The following OLA1 variants were observed in gnomAD, a reference collection of about 807,000 sequenced individuals.
OLA1 encodes Obg like ATPase 1.
In OLA1, 14 loss-of-function variants were observed where a neutral mutation model predicts 48.4. The ratio of observed to expected loss-of-function variants is 0.29; its 90% confidence interval spans 0.19 to 0.45. OLA1 has a LOEUF of 0.45. Ranked by LOEUF, OLA1 falls within the 20% of genes least tolerant of loss-of-function variation. OLA1 has a pLI of 1.00. For missense variants in OLA1, 325 were observed against 467.1 expected (o/e 0.70, Z 2.80); for synonymous variants, 127 against 150.4 (o/e 0.84, Z 1.14).
intron 7 of OLA1, among the ~76,000 whole-genome samples, chr2:174,110,736 T>C (rs1458889236): frequency 2.0e-5 from 3 of 152,248 alleles, no homozygotes; most frequent in Middle Eastern, 3.4e-3. Context: ...CGCATGCCAC[T>C]GTGTCTGGCT....
intron 5 of OLA1, among the ~76,000 whole-genome samples, chr2:174,134,962 C>T (rs1355584887): frequency 6.6e-6 from 1 of 151,852 alleles, no homozygotes; most frequent in Non-Finnish European, 1.5e-5. Context: ...GAGATGGAGA[C>T]CATCCTGGCT....
chr2:174,080,665 T>C (rs1193455752), intron 9 of OLA1, among the ~76,000 whole-genome samples: 1 of 152,090 alleles, frequency 6.6e-6, no homozygotes, highest in African/African-American at 2.4e-5. Context: ...TTATTACACG[T>C]TGAGTTTAGC....
intron 4 of OLA1, among the ~76,000 whole-genome samples, chr2:174,214,182 A>T (rs754468862): frequency 2.0e-5 from 3 of 151,886 alleles, no homozygotes; most frequent in South Asian, 2.1e-4. Flanking sequence ...AAAATTCAAA[A>T]ATTGGCCAGG....
chr2:174,245,856 T>G (rs1689116254), intron 2 of OLA1, among the ~76,000 whole-genome samples: 1 of 151,934 alleles, frequency 6.6e-6, no homozygotes, highest in Non-Finnish European at 1.5e-5. Context: ...ATCACGTCAC[T>G]GCACTCCAGC....
At chr2:174,121,381 T>C (rs373268569) in intron 7 of OLA1, among the ~76,000 whole-genome samples, 1 of 151,866 alleles carries the variant, frequency 6.6e-6, no homozygotes, top group Non-Finnish European at 1.5e-5. Flanking sequence ...TGAGGGAAAA[T>C]AGGAACAGCA....
chr2:174,246,938 G>A (rs1233129747), intron 1 of OLA1, 123 bp from the exon 2 acceptor site: 4 of 506,536 alleles, frequency 7.9e-6, no homozygotes, highest in Non-Finnish European at 1.4e-5. Flanking sequence ...TGTATATAGC[G>A]ATCCAAAACT....
chr2:174,139,864 CAA>C (rs1162058790), intron 5 of OLA1, among the ~76,000 whole-genome samples: 12 of 76,954 alleles, frequency 1.6e-4, no homozygotes, highest in Admixed American at 5.6e-4. Flanking sequence ...GACTCAGTCT[CAA>C]AAAAAAAAAA....
chr2:174,174,053 CA>C (rs1687368734), intron 4 of OLA1, among the ~76,000 whole-genome samples: 4 of 116,166 alleles, frequency 3.4e-5, no homozygotes, highest in Non-Finnish European at 5.7e-5. Flanking sequence ...AAAAAAAAAA[CA>C]AAAAAAAACT....
intron 1 of OLA1, chr2:174,248,004 G>A: frequency 2.1e-6 from 1 of 471,286 alleles, no homozygotes; most frequent in African/African-American, 1.9e-5. Flanking sequence ...CCCTGCCCTT[G>A]CAGTAGTATT....
At chr2:174,095,325 G>GTTTTTTTTTTTTTTTTTTTTTTTTTT (rs1205716344) in intron 7 of OLA1, among the ~76,000 whole-genome samples, 38 of 78,002 alleles carry the variant, frequency 4.9e-4, no homozygotes, top group Admixed American at 7.5e-4. Flanking sequence ...GTTATTTCCT[G>GTTTTTTTTTTTTTTTTTTTTTTTTTT]TTTTTTTTTT....
At chr2:174,155,041 G>A (rs542766040) in intron 4 of OLA1, among the ~76,000 whole-genome samples, 2 of 152,200 alleles carry the variant, frequency 1.3e-5, no homozygotes, top group African/African-American at 4.8e-5. Flanking sequence ...TATCTCCATA[G>A]CAATATGCCT....
intron 5 of OLA1, among the ~76,000 whole-genome samples, chr2:174,139,411 AAAG>A (rs914636320): frequency 7.0e-4 from 107 of 152,336 alleles, no homozygotes; most frequent in African/African-American, 2.5e-3. Context: ...CAGAACCGGG[AAAG>A]AAGACATTGT....
intron 4 of OLA1, among the ~76,000 whole-genome samples, chr2:174,196,425 C>T (rs1025207240): frequency 5.3e-5 from 8 of 152,056 alleles, no homozygotes; most frequent in Non-Finnish European, 1.0e-4. Flanking sequence ...ATTACAACAC[C>T]TTCTTATTTG....
At chr2:174,213,844 G>C (rs892209999) in intron 4 of OLA1, among the ~76,000 whole-genome samples, 2 of 152,066 alleles carry the variant, frequency 1.3e-5, no homozygotes, top group Non-Finnish European at 2.9e-5. Flanking sequence ...CATTAGCAAT[G>C]TCATTTGTAA....
intron 4 of OLA1, among the ~76,000 whole-genome samples, chr2:174,195,239 CA>C (rs35255060): frequency 0.53 from 80,582 of 150,788 alleles, 21,982 homozygotes; most frequent in East Asian, 0.95. Flanking sequence ...TTACTATGCT[CA>C]AAAAAAAAAT....
At chr2:174,102,406 A>C (rs1190649133) in intron 7 of OLA1, among the ~76,000 whole-genome samples, 1 of 151,780 alleles carries the variant, frequency 6.6e-6, no homozygotes, top group Non-Finnish European at 1.5e-5. Flanking sequence ...AACTCAGTAG[A>C]GACGAGATTA....
At chr2:174,240,584 A>G (rs1393209214) in intron 2 of OLA1, 1 of 152,222 alleles carries the variant, frequency 6.6e-6, no homozygotes, top group African/African-American at 2.4e-5. Context: ...AAGAAAAAAA[A>G]AGACTTTTTA....
At chr2:174,144,943 A>ATAT (rs1436750497) in intron 4 of OLA1, among the ~76,000 whole-genome samples, 276 of 69,678 alleles carry the variant, frequency 4.0e-3, no homozygotes, top group African/African-American at 4.7e-3. Flanking sequence ...AAAAAAAAAA[A>ATAT]AAAAAAAAAT....
At chr2:174,244,716 C>G (rs1050774289) in intron 2 of OLA1, among the ~76,000 whole-genome samples, 29 of 152,174 alleles carry the variant, frequency 1.9e-4, no homozygotes, top group African/African-American at 6.7e-4. Flanking sequence ...CTCCACCCCC[C>G]GGGCTCAAGC....
Sources: allele counts gnomAD v4.1 joint callset (sites outside exome capture counted in the v4.1 genomes callset), GRCh38; gene constraint gnomAD v4.1.1; transcripts MANE v1.5; gene names NCBI Gene and HGNC (gene_info 2026-07-23, HGNC 2026-07-21).